The following TCP11X1 variants were observed in gnomAD, a reference collection of about 807,000 sequenced individuals.
The protein encoded by TCP11X1 is T-complex protein 11-like X-linked protein 1.
For missense variants in TCP11X1, 2 were observed against 15.4 expected, an observed-to-expected ratio of 0.13 and a Z score of 1.45; for synonymous variants, 2 against 6.3, an observed-to-expected ratio of 0.32 and a Z score of 1.02.
At chrX:102,220,695 A>ATATATATATATATATATATATAT (rs1403296641) in intron 2 of TCP11X1, among the ~76,000 whole-genome samples, 1 of 16,394 alleles carries the variant, frequency 6.1e-5, no homozygotes. Context: ...ATATATATAT[A>ATATATATATATATATATATATAT]TTTTTTTTTT....
At chrX:102,220,991 G>A (rs1405474013) in intron 2 of TCP11X1, among the ~76,000 whole-genome samples, 2 of 2,914 alleles carry the variant, frequency 6.9e-4, no homozygotes, top group African/African-American at 2.7e-3. Flanking sequence ...CACCGCGCCC[G>A]GCCTACTATT....
At chrX:102,220,695 A>ATATATATATATAT (rs1403296641) in intron 2 of TCP11X1, among the ~76,000 whole-genome samples, 14 of 16,399 alleles carry the variant, frequency 8.5e-4, no homozygotes, top group African/African-American at 1.6e-3. Context: ...ATATATATAT[A>ATATATATATATAT]TTTTTTTTTT....
rs1401360917 is a variant in TCP11X1, at chrX:102,224,019, A to G, written c.930+34A>G. The G allele has an allele frequency of 1.0e-5, 3 of 298,542 alleles. 1 individual carries two copies. The highest frequency in any genetic ancestry group is 8.8e-6 in the Non-Finnish European group (2 of 228,539). The allele number at this position is 298,542 out of a possible 1,213,427, so 24.6% of individuals were successfully genotyped here. On this transcript the variant is annotated intron_variant, in intron 6 of 8. Coordinates refer to ENST00000622971, the Ensembl canonical transcript of TCP11X1. ...GTGTGTTTGGGCATTGCCTTGTTCT[A>G]TGGTATTCAGTGCCTCCATTCAAAC...
chrX:102,220,693 A>ATT (rs1260190520), intron 2 of TCP11X1, among the ~76,000 whole-genome samples: 24 of 25,333 alleles, frequency 9.5e-4, no homozygotes, highest in African/African-American at 2.5e-3. Flanking sequence ...ATATATATAT[A>ATT]TATTTTTTTT....
chrX:102,220,695 A>ATTTTTTTTT (rs1179399956), intron 2 of TCP11X1, among the ~76,000 whole-genome samples: 1 of 16,403 alleles, frequency 6.1e-5, no homozygotes, highest in African/African-American at 3.1e-4. Flanking sequence ...ATATATATAT[A>ATTTTTTTTT]TTTTTTTTTT....
At chrX:102,220,651 A>G (rs1191352316) in intron 2 of TCP11X1, among the ~76,000 whole-genome samples, 1 of 59,042 alleles carries the variant, frequency 1.7e-5, no homozygotes, top group South Asian at 1.2e-3. Flanking sequence ...GTGTGTATAT[A>G]TGTGTGTGTG....
chrX:102,220,674 T>C (rs1195440655), intron 2 of TCP11X1, among the ~76,000 whole-genome samples: 2 of 19,552 alleles, frequency 1.0e-4, no homozygotes, highest in Non-Finnish European at 1.7e-4. Context: ...TATATACATA[T>C]ATATATATAT....
chrX:102,220,691 ATATATTTTTTT>A (rs1209572260), intron 2 of TCP11X1, among the ~76,000 whole-genome samples: 30 of 24,544 alleles, frequency 1.2e-3, no homozygotes, highest in African/African-American at 5.6e-3. Flanking sequence ...ATATATATAT[ATATATTTTTTT>A]TTTTTTTTTT....
rs1179399956 is a variant in TCP11X1 at position 102,220,695 on chromosome X, A to ATTTTTTTTTTTTTT, written c.231-839_231-826dup. On this transcript the variant is annotated intron_variant, in intron 2 of 8. Coordinates refer to ENST00000622971, the Ensembl canonical transcript of TCP11X1. ...CATATATATATATATATATATATATATTTTTTTTTTTTTTTTTTTTGAGAC... is the reference window on the plus strand; with the variant it reads ...CATATATATATATATATATATATATATTTTTTTTTTTTTTTTTTTTTTTTTTTTTTTTTTGAGAC... Among the ~76,000 whole-genome samples the ATTTTTTTTTTTTTT allele has an allele frequency of 1.2e-3, 19 of 16,398 alleles. 1 individual carries two copies. The highest frequency in any genetic ancestry group is 1.7e-3 in the Non-Finnish European group (19 of 11,104). The allele number at this position is 16,398 out of a possible 115,157, so 14.2% of individuals were successfully genotyped here.
intron 2 of TCP11X1, among the ~76,000 whole-genome samples, chrX:102,220,695 A>ATATATTT (rs1403296641): frequency 6.7e-3 from 110 of 16,394 alleles, no homozygotes; most frequent in African/African-American, 0.011. Context: ...ATATATATAT[A>ATATATTT]TTTTTTTTTT....
intron 2 of TCP11X1, among the ~76,000 whole-genome samples, chrX:102,220,689 A>ATATATATATATATATATATG: frequency 4.1e-5 from 1 of 24,455 alleles, no homozygotes; most frequent in South Asian, 2.9e-3. Context: ...ATATATATAT[A>ATATATATATATATATATATG]TATATATTTT....
At chrX:102,220,695 A>ATATATATATATATATATT (rs1403296641) in intron 2 of TCP11X1, among the ~76,000 whole-genome samples, 1 of 16,394 alleles carries the variant, frequency 6.1e-5, no homozygotes, top group African/African-American at 3.1e-4. Context: ...ATATATATAT[A>ATATATATATATATATATT]TTTTTTTTTT....
intron 2 of TCP11X1, among the ~76,000 whole-genome samples, chrX:102,220,694 TA>T (rs1468797607): frequency 0.036 from 973 of 26,659 alleles, 27 homozygotes; most frequent in African/African-American, 0.1. Context: ...TATATATATA[TA>T]TTTTTTTTTT....
intron 2 of TCP11X1, among the ~76,000 whole-genome samples, chrX:102,220,670 C>CATATATATATAT (rs1176238420): frequency 3.4e-3 from 104 of 30,239 alleles, no homozygotes; most frequent in African/African-American, 8.7e-3. Flanking sequence ...TGTGTATATA[C>CATATATATATAT]ATATATATAT....
chrX:102,220,670 CATATATATATAT>C (rs1176238420), intron 2 of TCP11X1, among the ~76,000 whole-genome samples: 1 of 30,311 alleles, frequency 3.3e-5, no homozygotes, highest in Non-Finnish European at 5.2e-5. Flanking sequence ...TGTGTATATA[CATATATATATAT>C]ATATATATAT....
intron 2 of TCP11X1, among the ~76,000 whole-genome samples, chrX:102,220,695 ATT>A (rs1179399956): frequency 2.0e-3 from 32 of 16,377 alleles, no homozygotes; most frequent in African/African-American, 8.2e-3. Flanking sequence ...ATATATATAT[ATT>A]TTTTTTTTTT....
intron 2 of TCP11X1, among the ~76,000 whole-genome samples, chrX:102,220,695 A>ATATATATAT (rs1403296641): frequency 0.014 from 225 of 16,357 alleles, 2 homozygotes; most frequent in Non-Finnish European, 0.017. Flanking sequence ...ATATATATAT[A>ATATATATAT]TTTTTTTTTT....
rs1416323219 is a variant in TCP11X1, at chrX:102,219,744, CATA to C, written c.230+1669_230+1671del. Among the ~76,000 whole-genome samples the C allele has an allele frequency of 2.4e-3, 102 of 42,764 alleles. 31 individuals carry two copies. The South Asian group carries it at 0.059, about 25-fold the overall frequency. The allele number at this position is 42,764 out of a possible 115,157, so 37.1% of individuals were successfully genotyped here. On this transcript the variant is annotated intron_variant, in intron 2 of 8. Coordinates refer to ENST00000622971, the Ensembl canonical transcript of TCP11X1. ...AGTTACCGGTTTTTAGGGGAAATCTCATAATAAGACATTTATTCAACAAACATT... is the reference window on the plus strand; with the variant it reads ...AGTTACCGGTTTTTAGGGGAAATCTCATAAGACATTTATTCAACAAACATT...
intron 2 of TCP11X1, among the ~76,000 whole-genome samples, chrX:102,220,693 ATATTT>A (rs1380601956): frequency 3.2e-4 from 8 of 25,336 alleles, no homozygotes; most frequent in Non-Finnish European, 4.5e-4. Flanking sequence ...ATATATATAT[ATATTT>A]TTTTTTTTTT....
Sources: gnomAD v4.1 joint callset for allele counts (sites outside exome capture counted in the v4.1 genomes callset) on GRCh38, gnomAD v4.1.1 for gene constraint, MANE v1.5 for transcripts, NCBI Gene and HGNC (gene_info 2026-07-23, HGNC 2026-07-21) for gene names.